Variants in CEP70 observed in about 807,000 individuals in gnomAD.
CEP70 encodes the protein centrosomal protein 70.
A neutral mutation model predicts 90.9 loss-of-function variants in CEP70; 70 were observed. The observed-to-expected ratio is 0.77, with a 90% CI of 0.64 to 0.94. The LOEUF is 0.94. CEP70 is among the 40% of genes least tolerant of loss of function. The pLI is 0.00. For missense variants in CEP70, 648 were observed against 669.0 expected, an observed-to-expected ratio of 0.97 and a Z score of 0.35; for synonymous variants, 220 against 228.3, an observed-to-expected ratio of 0.96 and a Z score of 0.33.
chr3:138,535,163 A>G (rs545961911), intron 7 of CEP70, among the ~76,000 whole-genome samples: 1 of 152,130 alleles, frequency 6.6e-6, no homozygotes, highest in South Asian at 2.1e-4. Context: ...CATGTATCCT[A>G]TGTTCCAGAC....
rs138504680 is a variant in CEP70 at position 138,555,156 on chromosome 3, G to A, written c.465+15162C>T. Among the ~76,000 whole-genome samples, 851 of 150,720 alleles carry A rather than the reference G, an allele frequency of 5.6e-3. 7 individuals are homozygous for A. Among genetic ancestry groups the A allele is most frequent in the African/African-American group, 0.02 (819 of 40,994 alleles). On this transcript the variant is annotated intron_variant, in intron 6 of 17. Transcript: ENST00000264982. ...CCCACCTACTCGGAAGGCTGAGGCAGGAGAATCACTTCTACCCAGTAGGGG... is the reference window on the plus strand; with the variant it reads ...CCCACCTACTCGGAAGGCTGAGGCAAGAGAATCACTTCTACCCAGTAGGGG...
At chr3:138,536,894 A>ATTT (rs2038311406) in intron 7 of CEP70, 1 of 194,190 alleles carries the variant, frequency 5.1e-6, no homozygotes, top group African/African-American at 2.3e-5. Context: ...TTCTTCACTA[A>ATTT]AAGGATCAGT....
chr3:138,579,166 AC>A (rs1436625640), intron 2 of CEP70, among the ~76,000 whole-genome samples: 1 of 152,172 alleles, frequency 6.6e-6, no homozygotes, highest in African/African-American at 2.4e-5. Context: ...GATCATTTAG[AC>A]CAGTCCTAGC....
intron 11 of CEP70, among the ~76,000 whole-genome samples, chr3:138,516,280 G>A (rs185073985): frequency 6.6e-6 from 1 of 152,180 alleles, no homozygotes; most frequent in African/African-American, 2.4e-5. Flanking sequence ...AAAATATCAA[G>A]GAATAGTAGG....
chr3:138,587,620 C>CAAAAAAAAAAAAAA (rs5852917), intron 2 of CEP70, among the ~76,000 whole-genome samples: 2 of 137,428 alleles, frequency 1.5e-5, no homozygotes, highest in African/African-American at 5.5e-5. Context: ...CCCATCTCTA[C>CAAAAAAAAAAAAAA]AAAAAAAAGA....
intron 13 of CEP70, 40 bp downstream of exon 13, chr3:138,505,254 CA>C: frequency 1.4e-6 from 2 of 1,469,372 alleles, no homozygotes; most frequent in Non-Finnish European, 1.8e-6. Context: ...ACATAGAGTC[CA>C]ATAGATGTTC....
At chr3:138,514,876 A>G (rs1341451986) in intron 11 of CEP70, among the ~76,000 whole-genome samples, 1 of 152,170 alleles carries the variant, frequency 6.6e-6, no homozygotes, top group Admixed American at 6.5e-5. Flanking sequence ...GGCAAGTTAT[A>G]TAACACTCCC....
At chr3:138,526,930 AAT>A (rs1392049261) in intron 10 of CEP70, among the ~76,000 whole-genome samples, 1 of 152,046 alleles carries the variant, frequency 6.6e-6, no homozygotes, top group Admixed American at 6.5e-5. Context: ...GTGCCTCATA[AAT>A]ATATACAGCT....
intron 10 of CEP70, among the ~76,000 whole-genome samples, chr3:138,526,906 C>G (rs534595820): frequency 6.6e-6 from 1 of 152,096 alleles, no homozygotes; most frequent in Non-Finnish European, 1.5e-5. Flanking sequence ...AATCATGAAT[C>G]GTAACATCAC....
intron 6 of CEP70, among the ~76,000 whole-genome samples, chr3:138,557,639 T>A (rs1046099363): frequency 4.6e-5 from 7 of 152,122 alleles, no homozygotes; most frequent in African/African-American, 1.7e-4. Context: ...AATGATACAA[T>A]GGACTTTGGG....
rs115773003 is a variant in CEP70 at position 138,509,985 on chromosome 3, T to C, written c.945-1441A>G. ...TGTGCCAAAGAGAAGTCATGAAGTGTGTCCTTTAAGTGAAAAGGTGAAAGT... is the reference window on the plus strand; with the variant it reads ...TGTGCCAAAGAGAAGTCATGAAGTGCGTCCTTTAAGTGAAAAGGTGAAAGT... On this transcript the variant is annotated intron_variant, in intron 11 of 17. Transcript: ENST00000264982. Among the ~76,000 whole-genome samples the C allele has an allele frequency of 7.1e-3, 1,078 of 152,296 alleles. 13 individuals are homozygous for C. Among genetic ancestry groups the C allele is most frequent in the African/African-American group, 0.025 (1,032 of 41,562 alleles).
At chr3:138,530,327 A>G (rs1296587416) in intron 8 of CEP70, among the ~76,000 whole-genome samples, 1 of 152,204 alleles carries the variant, frequency 6.6e-6, no homozygotes, top group Non-Finnish European at 1.5e-5. Flanking sequence ...ATTTCACTTT[A>G]ACTATTGTAT....
At chr3:138,573,314 T>C (rs1219124139) in intron 2 of CEP70, among the ~76,000 whole-genome samples, 3 of 151,376 alleles carry the variant, frequency 2.0e-5, no homozygotes, top group African/African-American at 7.3e-5. Flanking sequence ...AAGAAAAATT[T>C]GAGAATCAAT....
Position 138,549,949 on chromosome 3 carries a change from T to A in CEP70, c.466-12602A>T, listed in dbSNP as rs147638228. On this transcript the variant is annotated intron_variant, in intron 6 of 17. Transcript: ENST00000264982. ...CTGGTAGCCCTTCTGGGTGGTTAGA[T>A]CCAGAAGAGAAATAACAATCATTAC... Among the ~76,000 whole-genome samples, 857 of 152,050 alleles carry A rather than the reference T, an allele frequency of 5.6e-3. 7 individuals carry two copies. The highest frequency in any genetic ancestry group is 0.02 in the African/African-American group (826 of 41,446).
At chr3:138,550,760 C>T (rs1479368665) in intron 6 of CEP70, among the ~76,000 whole-genome samples, 3 of 152,146 alleles carry the variant, frequency 2.0e-5, no homozygotes, top group Non-Finnish European at 4.4e-5. Flanking sequence ...ATTGAATAAG[C>T]AGAAGAAAGA....
chr3:138,534,773 T>C (rs35489558), intron 7 of CEP70, among the ~76,000 whole-genome samples: 20,075 of 152,126 alleles, frequency 0.13, 2,815 homozygotes, highest in East Asian at 0.38. Context: ...TGACTGAAGG[T>C]GCCTAAGTAT....
intron 17 of CEP70, chr3:138,496,218 C>G (rs1472260168): frequency 1.0e-6 from 1 of 985,310 alleles, no homozygotes; most frequent in Non-Finnish European, 1.2e-6. Flanking sequence ...ATAAAGCATG[C>G]TTTCTTGGAT....
chr3:138,508,257 T>C (rs1467056931), intron 12 of CEP70, among the ~76,000 whole-genome samples, 182 bp downstream of exon 12: 4 of 152,188 alleles, frequency 2.6e-5, no homozygotes, highest in Admixed American at 2.0e-4. Flanking sequence ...TTTTAAGTAG[T>C]AAGACGAATT....
At chr3:138,537,558 G>T (rs192495783) in intron 6 of CEP70, among the ~76,000 whole-genome samples, 7 of 152,158 alleles carry the variant, frequency 4.6e-5, no homozygotes, top group South Asian at 4.2e-4. Flanking sequence ...GCTATAAAAT[G>T]GGGAAACTAC....
Sources: gnomAD v4.1 joint callset for allele counts (sites outside exome capture counted in the v4.1 genomes callset) on GRCh38, gnomAD v4.1.1 for gene constraint, MANE v1.5 for transcripts, NCBI Gene and HGNC (gene_info 2026-07-23, HGNC 2026-07-21) for gene names.